The following ADGRE1 variants were observed in gnomAD, a reference collection of about 807,000 sequenced individuals.
ADGRE1 encodes EGF-like module receptor 1.
A neutral mutation model predicts 102.7 loss-of-function variants in ADGRE1; 82 were observed. The observed-to-expected ratio is 0.80, with a 90% confidence interval of 0.67 to 0.96. The LOEUF (loss-of-function observed/expected upper bound fraction) is 0.96. Ranked by LOEUF, ADGRE1 falls within the 40% of genes least tolerant of loss-of-function variation. The pLI, the probability that ADGRE1 is intolerant of heterozygous loss-of-function variation, is 0.00. For missense variants in ADGRE1, 1,032 were observed against 1,085.3 expected (o/e 0.95, Z 0.69); for synonymous variants, 398 against 399.6 (o/e 1.00, Z 0.05).
intron 17 of ADGRE1, 122 bp from the exon 18 acceptor site, chr19:6,934,865 C>A: frequency 2.0e-6 from 1 of 504,652 alleles, no homozygotes; most frequent in Non-Finnish European, 3.3e-6. Context: ...CCTCAGCCTC[C>A]CAAAGTGCTG....
chr19:6,896,182 A>C (rs926649926), intron 2 of ADGRE1: 16 of 503,116 alleles, frequency 3.2e-5, no homozygotes, highest in Non-Finnish European at 5.3e-5. Context: ...CTCCAGCACT[A>C]CTTCATCTTA....
At chr19:6,903,996 T>C in intron 7 of ADGRE1, 40 bp from the exon 8 acceptor site, 1 of 1,614,098 alleles carries the variant, frequency 6.2e-7, no homozygotes. Flanking sequence ...CATTTCTCTT[T>C]GCTCTTCTGG....
At chr19:6,894,076 C>A (rs376766138) in intron 2 of ADGRE1, among the ~76,000 whole-genome samples, 1 of 152,124 alleles carries the variant, frequency 6.6e-6, no homozygotes, top group African/African-American at 2.4e-5. Flanking sequence ...CATTCATTGC[C>A]CCTGGATGAT....
chr19:6,907,313 C>A (rs1431025355), intron 9 of ADGRE1, among the ~76,000 whole-genome samples: 1 of 151,578 alleles, frequency 6.6e-6, no homozygotes, highest in Non-Finnish European at 1.5e-5. Context: ...CAATGTTATG[C>A]AATCATCACC....
chr19:6,887,952 T>G (rs1484442684), intron 1 of ADGRE1, among the ~76,000 whole-genome samples: 2 of 152,072 alleles, frequency 1.3e-5, no homozygotes, highest in Non-Finnish European at 2.9e-5. Flanking sequence ...GATATTCTAG[T>G]GGGTAGGAGC....
intron 17 of ADGRE1, among the ~76,000 whole-genome samples, chr19:6,929,329 G>C (rs1035082731): frequency 1.3e-5 from 2 of 152,194 alleles, no homozygotes; most frequent in East Asian, 3.8e-4. Context: ...ACTGGCTTGA[G>C]GGGGCGGTGT....
At chr19:6,912,778 C>T (rs1974250387) in intron 10 of ADGRE1, among the ~76,000 whole-genome samples, 1 of 152,166 alleles carries the variant, frequency 6.6e-6, no homozygotes, top group South Asian at 2.1e-4. Context: ...CTGAGATGAA[C>T]ATCACTGGAC....
rs1157197611 is a variant in ADGRE1 at position 6,918,825 on chromosome 19, A to G, written c.1421-723A>G. On this transcript the variant is annotated intron_variant, in intron 12 of 20. Transcript: ENST00000312053. Reference sequence around the variant, plus strand: ...TTGCAACCTCCGCCTCCCAGGTTCAAGCGATTGTCGTACCTCGGCCTCCCG... The same window carrying G: ...TTGCAACCTCCGCCTCCCAGGTTCAGGCGATTGTCGTACCTCGGCCTCCCG... Among the ~76,000 whole-genome samples, 3 of 152,042 alleles carry G rather than the reference A, an allele frequency of 2.0e-5. No homozygotes were observed. The East Asian group carries it at 5.8e-4, about 29-fold the overall frequency.
At chr19:6,922,493 T>C (rs11671182) in intron 14 of ADGRE1, among the ~76,000 whole-genome samples, 31,497 of 151,480 alleles carry the variant, frequency 0.21, 3,335 homozygotes, top group South Asian at 0.23. Flanking sequence ...TGCATGCCTG[T>C]TGTCCCAGCT....
chr19:6,892,657 T>C (rs1316811615), intron 2 of ADGRE1, among the ~76,000 whole-genome samples: 1 of 152,168 alleles, frequency 6.6e-6, no homozygotes, highest in African/African-American at 2.4e-5. Flanking sequence ...CCATCTTTCT[T>C]TGATAAAAAA....
chr19:6,908,323 G>T (rs745489617), intron 9 of ADGRE1, among the ~76,000 whole-genome samples: 6 of 152,108 alleles, frequency 3.9e-5, no homozygotes, highest in Non-Finnish European at 8.8e-5. Context: ...CTCGTTCAAG[G>T]CTCTCAGCTC....
chr19:6,906,688 T>C (rs994995331), intron 9 of ADGRE1, among the ~76,000 whole-genome samples, 167 bp downstream of exon 9: 23 of 152,224 alleles, frequency 1.5e-4, no homozygotes, highest in African/African-American at 4.8e-4. Flanking sequence ...GCAGAGCTCA[T>C]ACCATGGCTC....
chr19:6,909,961 C>T (rs997376322), intron 10 of ADGRE1, among the ~76,000 whole-genome samples: 6 of 151,770 alleles, frequency 4.0e-5, no homozygotes, highest in Admixed American at 6.6e-5. Context: ...CTCAAACTCC[C>T]GACCTCAGGC....
chr19:6,917,938 A>G (rs1280532593), intron 12 of ADGRE1, among the ~76,000 whole-genome samples: 1 of 152,126 alleles, frequency 6.6e-6, no homozygotes, highest in Non-Finnish European at 1.5e-5. Context: ...GGCTAGGGGA[A>G]GGCAAGGACA....
At chr19:6,936,696 C>T (rs1975420363) in intron 18 of ADGRE1, among the ~76,000 whole-genome samples, 1 of 151,008 alleles carries the variant, frequency 6.6e-6, no homozygotes, top group Non-Finnish European at 1.5e-5. Flanking sequence ...GGTCTCGACT[C>T]ACTGCAACCT....
At chr19:6,902,190 C>T (rs112252126) in intron 6 of ADGRE1, among the ~76,000 whole-genome samples, 169 bp downstream of exon 6, 7 of 152,274 alleles carry the variant, frequency 4.6e-5, no homozygotes, top group African/African-American at 1.2e-4. Flanking sequence ...TTACAGTATA[C>T]GTGGCACTAT....
rs10409094 is a variant in ADGRE1, at chr19:6,926,931, C to T, written c.2222+330C>T. On this transcript the variant is annotated intron_variant, in intron 16 of 20. Coordinates refer to ENST00000312053, the MANE Select transcript of ADGRE1 (RefSeq NM_001974.5). ...AGGAATACTTCTGCATGGTGGTGTG[C>T]ACCTGTAATCCCAGCTACTCGGGAG... 9.4e-3 allele frequency among the ~76,000 whole-genome samples: 1,423 copies of T among 152,016 alleles called. 13 individuals carry two copies. The highest frequency in any genetic ancestry group is 0.027 in the African/African-American group (1,123 of 41,416).
At position 6,918,956 on chromosome 19, in the gene ADGRE1, C is replaced by T. The variant is rs1303649526; in HGVS notation, c.1421-592C>T. Among the ~76,000 whole-genome samples the T allele has an allele frequency of 1.3e-5, 2 of 152,316 alleles. 1 individual carries two copies. On this transcript the variant is annotated intron_variant, in intron 12 of 20. Transcript: ENST00000312053. ...GCCAGGTTGGCCTGGAACTCCTGAC[C>T]TCAAGTGATCCACTTGCCTTGGCCT...
chr19:6,939,541 C>T (rs1297677787), intron 20 of ADGRE1, among the ~76,000 whole-genome samples: 2 of 152,078 alleles, frequency 1.3e-5, no homozygotes, highest in African/African-American at 4.8e-5. Flanking sequence ...TCCATTCCAC[C>T]ATCAACATGT....
Sources: gnomAD v4.1 joint callset for allele counts (sites outside exome capture counted in the v4.1 genomes callset) on GRCh38, gnomAD v4.1.1 for gene constraint, MANE v1.5 for transcripts, NCBI Gene and HGNC (gene_info 2026-07-23, HGNC 2026-07-21) for gene names.